SUGCT: variants seen among roughly 807,000 people sequenced by gnomAD.
The protein encoded by SUGCT is succinyl-CoA:glutarate-CoA transferase.
A neutral mutation model predicts 55.0 loss-of-function variants in SUGCT; 41 were observed. The ratio of observed to expected loss-of-function variants is 0.74; its 90% confidence interval spans 0.58 to 0.97. The LOEUF (loss-of-function observed/expected upper bound fraction) is 0.97. Ranked by LOEUF, SUGCT falls within the 50% of genes least tolerant of loss-of-function variation. The pLI is 0.00. For synonymous variants in SUGCT, 187 were observed against 200.4 expected (o/e 0.93, Z 0.56); for missense variants, 568 against 547.8 (o/e 1.04, Z -0.37).
chr7:40,483,267 G>A (rs1315973106), intron 11 of SUGCT, among the ~76,000 whole-genome samples: 1 of 151,988 alleles, frequency 6.6e-6, no homozygotes, highest in Non-Finnish European at 1.5e-5. Flanking sequence ...ATTTCGTATA[G>A]GTAATGCATG....
chr7:40,550,183 C>T (rs1009634573), intron 12 of SUGCT, among the ~76,000 whole-genome samples: 5 of 152,120 alleles, frequency 3.3e-5, no homozygotes, highest in South Asian at 4.1e-4. Context: ...CTCTACTACC[C>T]GATTAAGAAA....
At chr7:40,218,223 A>C (rs1469103549) in intron 6 of SUGCT, among the ~76,000 whole-genome samples, 2 of 152,190 alleles carry the variant, frequency 1.3e-5, no homozygotes, top group Admixed American at 1.3e-4. Flanking sequence ...AAAACAAAAC[A>C]AAAAAAGTAA....
At chr7:40,913,373 A>C in the SUGCT span, among the ~76,000 whole-genome samples, 1 of 152,160 alleles carries the variant, frequency 6.6e-6, no homozygotes, top group African/African-American at 2.4e-5. Flanking sequence ...GTACATCTTA[A>C]AACTAAGAAC....
the SUGCT span, among the ~76,000 whole-genome samples, chr7:40,976,283 G>C: frequency 6.6e-6 from 1 of 152,148 alleles, no homozygotes; most frequent in Admixed American, 6.5e-5. Flanking sequence ...GGAGAACAGA[G>C]CTCTTGTCTG....
chr7:40,317,690 A>G (rs1033291046), intron 9 of SUGCT, among the ~76,000 whole-genome samples: 2 of 152,190 alleles, frequency 1.3e-5, no homozygotes, highest in Non-Finnish European at 2.9e-5. Flanking sequence ...AAAAGTCAGC[A>G]TTTTTCATTT....
At chr7:40,547,362 G>A (rs1335531829) in intron 12 of SUGCT, among the ~76,000 whole-genome samples, 1 of 152,172 alleles carries the variant, frequency 6.6e-6, no homozygotes, top group African/African-American at 2.4e-5. Context: ...AAATGTCTGG[G>A]CACCCTGTGG....
intron 12 of SUGCT, among the ~76,000 whole-genome samples, chr7:40,544,250 A>T: frequency 6.6e-6 from 1 of 151,674 alleles, no homozygotes. Context: ...TTCCTCCATA[A>T]CCCAGGAGTC....
intron 12 of SUGCT, among the ~76,000 whole-genome samples, chr7:40,678,987 G>C (rs547149348): frequency 6.6e-6 from 1 of 152,276 alleles, no homozygotes; most frequent in African/African-American, 2.4e-5. Context: ...GTTGACTTTG[G>C]TAGCCACCTA....
At chr7:40,920,382 C>T in the SUGCT span, among the ~76,000 whole-genome samples, 1 of 152,162 alleles carries the variant, frequency 6.6e-6, no homozygotes, top group Non-Finnish European at 1.5e-5. Flanking sequence ...AGAATATCAC[C>T]AGAAGCCCTG....
chr7:40,487,250 GTTTTTTTTTTTTTT>G (rs1167865633), intron 11 of SUGCT, among the ~76,000 whole-genome samples: 3 of 42,902 alleles, frequency 7.0e-5, no homozygotes, highest in African/African-American at 2.8e-4. Flanking sequence ...ACACCCAGCT[GTTTTTTTTTTTTTT>G]TTTTTTTTTT....
chr7:40,144,243 A>G (rs1380925620), intron 1 of SUGCT, among the ~76,000 whole-genome samples: 1 of 152,230 alleles, frequency 6.6e-6, no homozygotes, highest in African/African-American at 2.4e-5. Context: ...CCCACAGGGT[A>G]TAACAAGGCA....
chr7:40,365,065 T>C (rs1159002818), intron 9 of SUGCT, among the ~76,000 whole-genome samples: 1 of 152,128 alleles, frequency 6.6e-6, no homozygotes, highest in Non-Finnish European at 1.5e-5. Flanking sequence ...TTATCCACCA[T>C]GATCAAGTGG....
At chr7:40,425,293 T>C (rs895266547) in intron 9 of SUGCT, among the ~76,000 whole-genome samples, 1 of 152,136 alleles carries the variant, frequency 6.6e-6, no homozygotes, top group Non-Finnish European at 1.5e-5. Context: ...AGCAAGATCT[T>C]CTATTCCAGA....
chr7:40,498,092 T>A (rs1198786542), intron 12 of SUGCT, among the ~76,000 whole-genome samples: 1 of 152,148 alleles, frequency 6.6e-6, no homozygotes, highest in Non-Finnish European at 1.5e-5. Flanking sequence ...TTGTTATTGG[T>A]CTATGGCATA....
chr7:40,384,451 G>C lies in SUGCT; in HGVS notation c.817-64836G>C, dbSNP rs901415493. Among the ~76,000 whole-genome samples, 9 of 152,078 alleles carry C rather than the reference G, an allele frequency of 5.9e-5. No individual in the cohort carries two copies. In the South Asian group the frequency reaches 1.9e-3, roughly 32 times the overall value. The stretch of plus-strand genomic sequence containing the variant: ...GTTGCTTTTAATATCTTTATGTTTT[G>C]TCTTCTTAGATCACAGGTTCCCTGT... On this transcript the variant is annotated intron_variant, in intron 9 of 13. Coordinates refer to ENST00000335693, the MANE Select transcript of SUGCT (RefSeq NM_001193313.2).
intron 9 of SUGCT, among the ~76,000 whole-genome samples, chr7:40,329,132 G>A (rs930166328): frequency 1.3e-5 from 2 of 152,136 alleles, no homozygotes; most frequent in Non-Finnish European, 2.9e-5. Flanking sequence ...GCTGTGCTTA[G>A]CACCAACACA....
the SUGCT span, among the ~76,000 whole-genome samples, chr7:40,868,180 T>G: frequency 6.6e-6 from 1 of 152,206 alleles, no homozygotes; most frequent in Non-Finnish European, 1.5e-5. Context: ...GCTAGTCTTT[T>G]TTTCTTTATT....
At chr7:40,872,509 T>C in the SUGCT span, among the ~76,000 whole-genome samples, 1 of 152,230 alleles carries the variant, frequency 6.6e-6, no homozygotes, top group African/African-American at 2.4e-5. Context: ...TAGTTCTTAA[T>C]ATAATTAGAG....
chr7:40,269,974 A>G (rs979066831), intron 7 of SUGCT, among the ~76,000 whole-genome samples: 1 of 152,018 alleles, frequency 6.6e-6, no homozygotes, highest in African/African-American at 2.4e-5. Flanking sequence ...CTGTCTCTAC[A>G]AAAATACAAA....
Sources: allele counts gnomAD v4.1 joint callset (sites outside exome capture counted in the v4.1 genomes callset), GRCh38; gene constraint gnomAD v4.1.1; transcripts MANE v1.5; gene names NCBI Gene and HGNC (gene_info 2026-07-23, HGNC 2026-07-21).